NUP188: variants seen among roughly 807,000 people sequenced by gnomAD.
NUP188 encodes the protein nucleoporin 188.
NUP188 carries 97 observed loss-of-function variants against 223.0 expected under a neutral mutation model. The observed-to-expected ratio is 0.43, with a 90% CI of 0.37 to 0.51. The LOEUF is 0.51. NUP188 is among the 20% of genes least tolerant of loss of function. The pLI is 0.00. For synonymous variants in NUP188, 869 were observed against 828.0 expected (o/e 1.05, Z -0.85); for missense variants, 1,947 against 2,175.6 (o/e 0.89, Z 2.09).
At chr9:128,978,283 A>T (rs531628749) in intron 12 of NUP188, among the ~76,000 whole-genome samples, 1 of 152,082 alleles carries the variant, frequency 6.6e-6, no homozygotes, top group East Asian at 1.9e-4. Context: ...CAAAAACGGT[A>T]AAAAGAGGCT....
chr9:128,973,203 C>T lies in NUP188; in HGVS notation c.1157C>T (p.Ser386Phe), dbSNP rs1270114954. ...TGCATGTGTGTCTATGGACTGCTCT[C>T]TTTCGTTCTGACCTCGTTGGAGCTG... is the stretch of plus-strand genomic sequence containing the variant. ...TACMCVYGLL[S>F]FVLTSLELHT... Residue 386 changes from serine to phenylalanine, a missense_variant, in exon 12 of 44, where the codon TCT becomes TTT. Transcript: ENST00000372577. 2 of 1,613,642 alleles carry T rather than the reference C, an allele frequency of 1.2e-6. No individual in the cohort carries two copies. Among genetic ancestry groups the T allele is most frequent in the Admixed American group, 1.7e-5 (1 of 59,990 alleles).
intron 8 of NUP188, among the ~76,000 whole-genome samples, chr9:128,964,655 G>T (rs1339398612): frequency 6.6e-6 from 1 of 150,468 alleles, no homozygotes; most frequent in Non-Finnish European, 1.5e-5. Flanking sequence ...TGACAGGCAT[G>T]AGCCACTGCT....
chr9:128,964,362 T>C (rs1841998063), intron 8 of NUP188: 1 of 275,824 alleles, frequency 3.6e-6, no homozygotes, highest in Admixed American at 5.5e-5. Context: ...CCCACCTTAA[T>C]TCTTTTTTTT....
At chr9:128,975,154 T>G (rs942216507) in intron 12 of NUP188, among the ~76,000 whole-genome samples, 2 of 152,096 alleles carry the variant, frequency 1.3e-5, no homozygotes, top group Admixed American at 1.3e-4. Flanking sequence ...ATAGCTCTGT[T>G]GCTTTCTTGT....
intron 8 of NUP188, among the ~76,000 whole-genome samples, chr9:128,961,651 C>T (rs1284045934): frequency 3.2e-5 from 4 of 125,362 alleles, no homozygotes; most frequent in African/African-American, 6.3e-5. Context: ...GACGGAGTTT[C>T]GCTCTTGTTG....
chr9:128,947,822 G>T, intron 1 of NUP188, 71 bp downstream of exon 1: 1 of 1,304,642 alleles, frequency 7.7e-7, no homozygotes, highest in South Asian at 2.1e-5. Flanking sequence ...AGCGGGGCGG[G>T]AATTGGAGGC....
chr9:128,982,661 C>T lies in NUP188; in HGVS notation c.1629C>T (p.Thr543=), dbSNP rs1842272821. Residue 543 remains threonine, a synonymous_variant, in exon 16 of 44, where the codon ACC becomes ACT. Transcript: ENST00000372577. ...CCTATAGCAGCTGGACCCTCTTTAC[C>T]TGCGAGATTGAAATGTTGCTTCATG... ...EYSYSSWTLF[T]CEIEMLLHVV... 4 of 1,613,998 alleles carry T rather than the reference C, an allele frequency of 2.5e-6. No individual in the cohort carries two copies. In the African/African-American group the frequency reaches 4.0e-5, roughly 16 times the overall value.
rs746938235 is a variant in NUP188, at chr9:128,981,244, G to A, written c.1390-20G>A. 3.7e-6 allele frequency: 6 copies of A among 1,610,340 alleles called. No homozygotes were observed. Among genetic ancestry groups the A allele is most frequent in the Non-Finnish European group, 4.2e-6 (5 of 1,178,688 alleles). ...CTTATCCTGGAGGGAAATGTGTGATGGTTTTTTCTGTTTTGGCAGGTGTAT... is the reference window on the plus strand; with the variant it reads ...CTTATCCTGGAGGGAAATGTGTGATAGTTTTTTCTGTTTTGGCAGGTGTAT... On this transcript the variant is annotated intron_variant, in intron 14 of 43. Transcript: ENST00000372577.
At chr9:129,001,802 G>A in intron 35 of NUP188, 73 bp downstream of exon 35, 16 of 1,599,412 alleles carry the variant, frequency 1.0e-5, no homozygotes, top group Non-Finnish European at 1.4e-5. Context: ...CCCAGAAGCT[G>A]TGATCTAGCC....
At chr9:128,986,047 A>G (rs1842328744) in intron 20 of NUP188, among the ~76,000 whole-genome samples, 1 of 151,804 alleles carries the variant, frequency 6.6e-6, no homozygotes, top group Non-Finnish European at 1.5e-5. Flanking sequence ...CTTGGGGGCG[A>G]AAAAAAAGAT....
chr9:128,990,639 T>C (rs1018612480), intron 25 of NUP188, among the ~76,000 whole-genome samples: 6 of 151,972 alleles, frequency 3.9e-5, no homozygotes, highest in African/African-American at 1.4e-4. Flanking sequence ...CCGAGGCGGG[T>C]GTATCACAGA....
rs759047708 is a variant in NUP188 at position 129,006,382 on chromosome 9, G to A, written c.5073+14G>A. 23 of 1,614,058 alleles carry A rather than the reference G, an allele frequency of 1.4e-5. No homozygotes were observed. Among genetic ancestry groups the A allele is most frequent in the Non-Finnish European group, 1.9e-5 (22 of 1,180,034 alleles). ...AGCTCTGAGTTGGTACGGATGGATA[G>A]GGATACGGAGGGCTGGACCAATAGG... On this transcript the variant is annotated intron_variant, in intron 43 of 43. Coordinates refer to ENST00000372577, the MANE Select transcript of NUP188 (RefSeq NM_015354.3).
In NUP188 at chr9:128,994,406, G is replaced by C; in HGVS notation, c.3051G>C (p.Leu1017=). Residue 1017 remains leucine, a synonymous_variant, in exon 28 of 44, where the codon CTG becomes CTC. Coordinates refer to ENST00000372577, the MANE Select transcript of NUP188 (RefSeq NM_015354.3). The part of the protein sequence containing the change: ...PKFWENLTSP[L]FGTLSPPSET... ...TTTGGGAAAATTTAACCAGTCCGCT[G>C]TTTGGAACCCTTTCTCCTCCCTCTG... is the stretch of plus-strand genomic sequence containing the variant. The C allele has an allele frequency of 3.1e-6, 5 of 1,613,804 alleles. No individual in the cohort carries two copies. The highest frequency in any genetic ancestry group is 3.4e-6 in the Non-Finnish European group (4 of 1,179,728).
At chr9:128,954,904 C>G (rs1170855295) in intron 3 of NUP188, among the ~76,000 whole-genome samples, 1 of 150,842 alleles carries the variant, frequency 6.6e-6, no homozygotes, top group East Asian at 2.0e-4. Context: ...CCCATGCTCG[C>G]GTGCAATGGT....
intron 14 of NUP188, 140 bp downstream of exon 14, chr9:128,980,865 TA>T: frequency 1.3e-6 from 1 of 789,718 alleles, no homozygotes; most frequent in Non-Finnish European, 2.0e-6. Context: ...ATACCAAAGA[TA>T]GCACCTCAAT....
At chr9:128,990,583 G>A (rs1023153054) in intron 25 of NUP188, among the ~76,000 whole-genome samples, 3 of 151,988 alleles carry the variant, frequency 2.0e-5, no homozygotes, top group African/African-American at 7.3e-5. Flanking sequence ...AAAATTAGGG[G>A]GCCGGGCATG....
At chr9:128,983,185 T>G in intron 17 of NUP188, 108 bp from the exon 18 acceptor site, 2 of 1,395,754 alleles carry the variant, frequency 1.4e-6, no homozygotes, top group Non-Finnish European at 2.0e-6. Flanking sequence ...CCTGTTTTTA[T>G]ATGTCTGCTG....
At chr9:128,984,863 TC>T (rs775364682) in intron 19 of NUP188, 36 bp from the exon 20 acceptor site, 1 of 1,410,418 alleles carries the variant, frequency 7.1e-7, no homozygotes, top group South Asian at 1.2e-5. Context: ...CCTTGAAATT[TC>T]CCTATCATTT....
Position 129,006,928 on chromosome 9 carries a change from C to CT in NUP188, c.*253dup. 1 of 404,984 alleles carries CT rather than the reference C, an allele frequency of 2.5e-6. No individual in the cohort carries two copies. Among genetic ancestry groups the CT allele is most frequent in the Non-Finnish European group, 4.4e-6 (1 of 227,400 alleles). 25.1% of individuals were successfully genotyped at this position (404,984 alleles called of 1,614,324 possible). Reference sequence around the variant, plus strand: ...ACGCTGCAGACGCCCCCTAGAGGAACTTTCCTTCCTTTCCAGCATTCCCCA... The same window carrying CT: ...ACGCTGCAGACGCCCCCTAGAGGAACTTTTCCTTCCTTTCCAGCATTCCCCA... On this transcript the variant is annotated 3_prime_UTR_variant, in exon 44 of 44. Transcript: ENST00000372577.
Sources: gnomAD v4.1 joint callset for allele counts (sites outside exome capture counted in the v4.1 genomes callset) on GRCh38, gnomAD v4.1.1 for gene constraint, MANE v1.5 for transcripts, NCBI Gene and HGNC (gene_info 2026-07-23, HGNC 2026-07-21) for gene names.